BUD13: variants seen among roughly 807,000 people sequenced by gnomAD.
BUD13 encodes BUD13 homolog.
In BUD13, 47 loss-of-function variants were observed where a neutral mutation model predicts 62.5. That is an observed-to-expected ratio of 0.75 (90% CI 0.60 to 0.96). The LOEUF (loss-of-function observed/expected upper bound fraction) is 0.96. Among genes scored for constraint, BUD13 ranks in the 40% least tolerant of loss-of-function variants. BUD13 has a pLI of 0.00. For synonymous variants in BUD13, 293 were observed against 280.1 expected (o/e 1.05, Z -0.46); for missense variants, 821 against 790.9 (o/e 1.04, Z -0.46).
intron 1 of BUD13, among the ~76,000 whole-genome samples, chr11:116,772,076 T>C (rs1403415794): frequency 6.6e-6 from 1 of 150,764 alleles, no homozygotes; most frequent in African/African-American, 2.4e-5. Context: ...GTATCCATAC[T>C]TCCCTCTTTT....
intron 9 of BUD13, among the ~76,000 whole-genome samples, chr11:116,754,191 G>A (rs966820326): frequency 2.0e-5 from 3 of 152,272 alleles, no homozygotes; most frequent in East Asian, 1.9e-4. Context: ...GACTATAGGC[G>A]TGTGCCACCA....
At chr11:116,766,548 G>C (rs1440880123) in intron 2 of BUD13, among the ~76,000 whole-genome samples, 1 of 152,250 alleles carries the variant, frequency 6.6e-6, no homozygotes, top group Non-Finnish European at 1.5e-5. Context: ...CGGCCACTTA[G>C]CATTTGTGTA....
chr11:116,772,961 C>T lies in BUD13; in HGVS notation c.4G>A (p.Ala2Thr). 6.4e-7 allele frequency: 1 copy of T among 1,552,340 alleles called. No individual in the cohort carries two copies. The highest frequency in any genetic ancestry group is 8.7e-7 in the Non-Finnish European group (1 of 1,146,746). ...GCCTTGGAAAGCGGCGGAGCTGCCG[C>T]CATGGCAGCGGCGGGGGCAGAGAGA... MAAAPPLSKAEY... is the reference protein window; with the variant it reads MTAAPPLSKAEY... Residue 2 changes from alanine to threonine, a missense_variant, in exon 1 of 10, where the codon GCG (alanine) becomes ACG (threonine). Transcript: ENST00000260210.
chr11:116,751,427 G>A (rs939693074), intron 9 of BUD13, among the ~76,000 whole-genome samples: 2 of 152,084 alleles, frequency 1.3e-5, no homozygotes, highest in Non-Finnish European at 2.9e-5. Flanking sequence ...TGAGAAGTTC[G>A]AGACCAGCCT....
Position 116,772,945 on chromosome 11 carries a change from A to G in BUD13, c.20T>C (p.Leu7Pro), listed in dbSNP as rs1392227782. The change falls in exon 1 of 10, where the codon CTT becomes CCT. Residue 7 changes from leucine (L) to proline (P), a missense_variant. Leu to Pro is a moderately conservative substitution (Grantham distance 98). Transcript: ENST00000260210. MAAAPPLSKAEYLKRYL... is the reference protein window; with the variant it reads MAAAPPPSKAEYLKRYL... The stretch of plus-strand genomic sequence containing the variant: ...ACGCTTCAGATACTCGGCCTTGGAA[A>G]GCGGCGGAGCTGCCGCCATGGCAGC... 5 of 1,569,696 alleles carry G rather than the reference A, an allele frequency of 3.2e-6. No individual in the cohort carries two copies. The highest frequency in any genetic ancestry group is 1.1e-5 in the South Asian group (1 of 87,202).
rs1011239719 is a variant in BUD13 at position 116,752,510 on chromosome 11, G to A, written c.1767-3935C>T. On this transcript the variant is annotated intron_variant, in intron 9 of 9. Coordinates refer to ENST00000260210, the MANE Select transcript of BUD13 (RefSeq NM_032725.4). ...ATTAAATACTAGTAAAAAAAAACTAGGTCAGGGAGAATTCTAAGTTTTGGG... is the reference window on the plus strand; with the variant it reads ...ATTAAATACTAGTAAAAAAAAACTAAGTCAGGGAGAATTCTAAGTTTTGGG... Among the ~76,000 whole-genome samples, 18 of 152,146 alleles carry A rather than the reference G, an allele frequency of 1.2e-4. No individual in the cohort carries two copies. The South Asian group carries it at 2.5e-3, about 21-fold the overall frequency.
intron 1 of BUD13, among the ~76,000 whole-genome samples, chr11:116,772,353 A>G (rs1197808449): frequency 2.0e-5 from 3 of 152,020 alleles, no homozygotes; most frequent in Non-Finnish European, 4.4e-5. Context: ...AAGTATAACT[A>G]TATAAATGTT....
Position 116,763,002 on chromosome 11 carries a change from T to A in BUD13, c.587A>T (p.Asp196Val), listed in dbSNP as rs374011576. 9.9e-5 allele frequency: 159 copies of A among 1,613,600 alleles called. No individual in the cohort carries two copies. The highest frequency in any genetic ancestry group is 1.3e-4 in the Non-Finnish European group (157 of 1,179,858). ...CCTTGGGGGAGAAGGATCTGGAGAA[T>A]CATGACGGGCCCTCCTTGGGGGTGA... is the stretch of plus-strand genomic sequence containing the variant. ...DTSPPRRARH[D>V]SPDPSPPRRP... The change falls in exon 4 of 10, where the codon GAT becomes GTT. Residue 196 changes from aspartate to valine, a missense_variant. Asp to Val is a radical substitution (Grantham distance 152). Transcript: ENST00000260210.
At chr11:116,755,497 C>A (rs1482278436) in intron 9 of BUD13, among the ~76,000 whole-genome samples, 3 of 152,204 alleles carry the variant, frequency 2.0e-5, no homozygotes. Flanking sequence ...GTTCTTTGAT[C>A]TGGTTTCAGG....
rs1565313326 is a variant in BUD13, at chr11:116,760,811, G to C, written c.1178C>G (p.Pro393Arg). 1 of 1,614,168 alleles carries C rather than the reference G, an allele frequency of 6.2e-7. No homozygotes were observed. Among genetic ancestry groups the C allele is most frequent in the East Asian group, 2.2e-5 (1 of 44,870 alleles). Residue 393 changes from proline (P) to arginine (R), a missense_variant, in exon 5 of 10, where the codon CCA becomes CGA. By Grantham distance (103) the Pro-to-Arg change is moderately radical. Coordinates refer to ENST00000260210, the MANE Select transcript of BUD13 (RefSeq NM_032725.4). ...HRSSDSDLSP[P>R]RRRQRTKSSD... The stretch of plus-strand genomic sequence containing the variant: ...AGATTTGGTCCTCTGTCTCCTCCTT[G>C]GTGGAGAGAGGTCAGAATCAGAGCT...
rs765235233 is a variant in BUD13 at position 116,772,824 on chromosome 11, C to G, written c.141G>C (p.Lys47Asn). The G allele has an allele frequency of 1.9e-6, 3 of 1,576,950 alleles. No homozygotes were observed. The highest frequency in any genetic ancestry group is 2.3e-5 in the South Asian group (2 of 87,454). ...KRPKPGGAGG[K>N]GMRIVDDDVS... Reference sequence around the variant, plus strand: ...CGCCCCGGCCGGTACCAACTCACCCCTTGCCGCCGGCCCCGCCAGGCTTCG... The same window carrying G: ...CGCCCCGGCCGGTACCAACTCACCCGTTGCCGCCGGCCCCGCCAGGCTTCG... Residue 47 changes from lysine (K) to asparagine (N), a missense_variant and splice_region_variant, in exon 1 of 10, where the codon AAG becomes AAC. By Grantham distance (94) the Lys-to-Asn change is moderately conservative. Around this residue, in one of 2 missense-constraint regions of BUD13, gnomAD observed 800 missense variants for 739.2 expected, o/e 1.08. Transcript: ENST00000260210.
Position 116,765,620 on chromosome 11 carries a change from T to C in BUD13, c.238-174A>G, listed in dbSNP as rs186235334. ...TTCAGTTATGTTTGCTCCATAAACA[T>C]CTGATTGTCACTGTATTGGTTTAAT... On this transcript the variant is annotated intron_variant, in intron 2 of 9. Transcript: ENST00000260210. 2.0e-5 allele frequency among the ~76,000 whole-genome samples: 3 copies of C among 152,372 alleles called. No homozygotes were observed. In the East Asian group the frequency reaches 5.8e-4, roughly 29 times the overall value.
chr11:116,765,241 A>T, intron 3 of BUD13, 121 bp downstream of exon 3: 1 of 1,057,512 alleles, frequency 9.5e-7, no homozygotes, highest in Admixed American at 2.3e-5. Flanking sequence ...TTCCTGCTTT[A>T]TTTTTCAGGA....
chr11:116,756,015 C>T (rs1940317345), intron 9 of BUD13, among the ~76,000 whole-genome samples: 1 of 152,086 alleles, frequency 6.6e-6, no homozygotes, highest in South Asian at 2.1e-4. Flanking sequence ...CAAGACCAGC[C>T]TGGTCAATGT....
At chr11:116,761,747 G>A (rs554377079) in intron 4 of BUD13, among the ~76,000 whole-genome samples, 9 of 152,262 alleles carry the variant, frequency 5.9e-5, no homozygotes, top group Admixed American at 2.0e-4. Context: ...AACAAAAGAG[G>A]GAGTAAAAAA....
At chr11:116,766,174 TG>T (rs1565315403) in intron 2 of BUD13, among the ~76,000 whole-genome samples, 1 of 152,260 alleles carries the variant, frequency 6.6e-6, no homozygotes, top group East Asian at 1.9e-4. Context: ...TGACCTGTGA[TG>T]TAAGTCCACA....
Position 116,772,947 on chromosome 11 carries a change from CGGCGG to C in BUD13, c.13_17del (p.Pro5AlafsTer23). On this transcript the variant is annotated frameshift_variant, in exon 1 of 10. Transcript: ENST00000260210. LOFTEE classifies it high-confidence loss of function. Reference sequence around the variant, plus strand: ...GCTTCAGATACTCGGCCTTGGAAAGCGGCGGAGCTGCCGCCATGGCAGCGGCGGGG... The same window carrying C: ...GCTTCAGATACTCGGCCTTGGAAAGCAGCTGCCGCCATGGCAGCGGCGGGG... 3.2e-6 allele frequency: 5 copies of C among 1,567,960 alleles called. No individual in the cohort carries two copies. Among genetic ancestry groups the C allele is most frequent in the Non-Finnish European group, 4.3e-6 (5 of 1,155,742 alleles).
intron 1 of BUD13, 72 bp downstream of exon 1, chr11:116,772,750 G>A (rs573854374): frequency 1.3e-5 from 19 of 1,424,056 alleles, no homozygotes; most frequent in East Asian, 2.8e-5. Context: ...AGGAACTGCC[G>A]GGCGGCCGAG....
Position 116,769,579 on chromosome 11 carries a change from G to C in BUD13, c.237+550C>G, listed in dbSNP as rs555252349. Among the ~76,000 whole-genome samples, 15 of 152,268 alleles carry C rather than the reference G, an allele frequency of 9.9e-5. 1 individual carries two copies. Among genetic ancestry groups the C allele is most frequent in the African/African-American group, 3.1e-4 (13 of 41,554 alleles). ...TCATCATTACTCTAACACTGATGTC[G>C]AGAAGTCCTCTCTCTGTGATCCATC... On this transcript the variant is annotated intron_variant, in intron 2 of 9. Transcript: ENST00000260210.
Sources: allele counts gnomAD v4.1 joint callset (sites outside exome capture counted in the v4.1 genomes callset), GRCh38; gene constraint gnomAD v4.1.1; regional missense constraint gnomAD v4.1.1; transcripts MANE v1.5; gene names NCBI Gene and HGNC (gene_info 2026-07-23, HGNC 2026-07-21).